PDE4A: variants seen among roughly 807,000 people sequenced by gnomAD.
PDE4A encodes 3',5'-cyclic-AMP phosphodiesterase 4A.
PDE4A carries 21 observed loss-of-function variants against 73.9 expected under a neutral mutation model. The ratio of observed to expected loss-of-function variants is 0.28; its 90% CI spans 0.20 to 0.41. The LOEUF is 0.41. Ranked by LOEUF, PDE4A falls within the 10% of genes least tolerant of loss-of-function variation. PDE4A has a pLI of 1.00. For synonymous variants in PDE4A, 463 were observed against 505.4 expected, an observed-to-expected ratio of 0.92 and a Z score of 1.13; for missense variants, 958 against 1,211.4, an observed-to-expected ratio of 0.79 and a Z score of 3.10.
intron 6 of PDE4A, among the ~76,000 whole-genome samples, chr19:10,454,193 C>T (rs971202698): frequency 4.6e-5 from 7 of 152,230 alleles, no homozygotes; most frequent in Admixed American, 6.5e-5. Flanking sequence ...GAACCCCCCT[C>T]CCCCTCCCCT....
Position 10,420,621 on chromosome 19 carries a change from C to A in PDE4A, c.-144C>A. The A allele has an allele frequency of 7.6e-7, 1 of 1,323,166 alleles. No individual in the cohort carries two copies. Among genetic ancestry groups the A allele is most frequent in the Non-Finnish European group, 9.6e-7 (1 of 1,042,286 alleles). 82.0% of individuals were successfully genotyped at this position (1,323,166 alleles called of 1,614,324 possible). ...CCCGGGGGCGATTGGCCCGCAGCGC[C>A]CCCGGGTCTGTCCCCGGGGCGCCAT... On this transcript the variant is annotated 5_prime_UTR_variant, in exon 1 of 15. Coordinates refer to ENST00000380702, the MANE Select transcript of PDE4A (RefSeq NM_001111307.2). This position sits in a 1 kb window ranked among gnomAD's most constrained non-coding sequence, Gnocchi z 6.0.
chr19:10,425,227 A>AAAAAAAC (rs1466856910), intron 1 of PDE4A, among the ~76,000 whole-genome samples: 2 of 151,592 alleles, frequency 1.3e-5, no homozygotes, highest in Non-Finnish European at 2.9e-5. Context: ...TGTCTCAAAA[A>AAAAAAAC]AAAAAACAAA....
chr19:10,420,142 A>G (rs1046298326), upstream of PDE4A: 1 of 152,424 alleles, frequency 6.6e-6, no homozygotes, highest in African/African-American at 2.4e-5. The surrounding 1 kb of genome is among the most constrained non-coding windows in gnomAD (Gnocchi z 6.0). Context: ...CACTCCTCAA[A>G]AACTGCCCCC....
rs562526407 is a variant in PDE4A at position 10,453,357 on chromosome 19, C to T, written c.784-1472C>T. On this transcript the variant is annotated intron_variant, in intron 6 of 14. Transcript: ENST00000380702. The surrounding 1 kb of genome is among the most constrained non-coding windows in gnomAD (Gnocchi z 4.6). ...AGGAGAGTGCAGGGTAGGGGGTGGG[C>T]GGGCATCCTGGTGAGCTGGGCCCCC... 2.6e-5 allele frequency: 35 copies of T among 1,334,954 alleles called. No individual in the cohort carries two copies. Among genetic ancestry groups the T allele is most frequent in the East Asian group, 1.9e-4 (8 of 43,082 alleles). 82.7% of individuals were successfully genotyped at this position (1,334,954 alleles called of 1,614,324 possible).
chr19:10,452,975 G>A, intron 6 of PDE4A: 1 of 1,244,598 alleles, frequency 8.0e-7, no homozygotes, highest in African/African-American at 1.6e-5. Context: ...CTCCTCCTGG[G>A]ACCCTTGCCC....
chr19:10,453,179 A>ACCCCCC lies in PDE4A; in HGVS notation c.784-1645_784-1644insCCCCCC. ...CCCTTCCACTACCCACCTGCCCGGC[A>ACCCCCC]CCCCCTCCCCAGTGGTTGTTAACCC... On this transcript the variant is annotated intron_variant, in intron 6 of 14. Transcript: ENST00000380702. This position sits in a 1 kb window ranked among gnomAD's most constrained non-coding sequence, Gnocchi z 4.6. 1 of 1,475,716 alleles carries ACCCCCC rather than the reference A, an allele frequency of 6.8e-7. No individual in the cohort carries two copies. The highest frequency in any genetic ancestry group is 9.0e-7 in the Non-Finnish European group (1 of 1,109,316). The allele number at this position is 1,475,716 out of a possible 1,614,324, so 91.4% of individuals were successfully genotyped here.
rs2043436215 is a variant in PDE4A, at chr19:10,469,220, G to A, written c.*1599G>A. The A allele has an allele frequency of 6.6e-6, 1 of 151,806 alleles. No homozygotes were observed. The highest frequency in any genetic ancestry group is 1.5e-5 in the Non-Finnish European group (1 of 67,946). 9.4% of individuals were successfully genotyped at this position (151,806 alleles called of 1,614,324 possible). ...TTTGTACATACTGTAAGGTTGGTTT[G>A]TAAATTATTCTACGGAGGCAAAAAG... On this transcript the variant is annotated 3_prime_UTR_variant, in exon 15 of 15. Coordinates refer to ENST00000380702, the MANE Select transcript of PDE4A (RefSeq NM_001111307.2).
chr19:10,422,996 C>A (rs2042669993), intron 1 of PDE4A: 4 of 467,826 alleles, frequency 8.6e-6, no homozygotes, highest in Non-Finnish European at 1.1e-5. Context: ...TGGTAATAAT[C>A]ATCATTATTT....
chr19:10,462,083 C>T (rs1196203133), intron 13 of PDE4A, 84 bp downstream of exon 13: 1 of 1,107,912 alleles, frequency 9.0e-7, no homozygotes, highest in Non-Finnish European at 1.3e-6. Flanking sequence ...GCCCCTTCCT[C>T]AGCCTCTTTC....
chr19:10,430,627 G>A (rs925795260), intron 1 of PDE4A, among the ~76,000 whole-genome samples: 1 of 151,978 alleles, frequency 6.6e-6, no homozygotes, highest in Non-Finnish European at 1.5e-5. Flanking sequence ...GCCAACGCGG[G>A]CGGCTTTGGG....
rs779729421 is a variant in PDE4A at position 10,459,506 on chromosome 19, G to A, written c.1200+8G>A. 1.2e-6 allele frequency: 2 copies of A among 1,612,968 alleles called. No individual in the cohort carries two copies. Among genetic ancestry groups the A allele is most frequent in the Non-Finnish European group, 8.5e-7 (1 of 1,179,000 alleles). ...ATGTACATGATATTCCAGGTGATGGGGACAGCTGGGAGTGGGCCCGGGTGA... is the reference window on the plus strand; with the variant it reads ...ATGTACATGATATTCCAGGTGATGGAGACAGCTGGGAGTGGGCCCGGGTGA... On this transcript the variant is annotated splice_region_variant and intron_variant, in intron 9 of 14. Transcript: ENST00000380702.
At chr19:10,447,194 C>G (rs2043019137) in intron 2 of PDE4A, among the ~76,000 whole-genome samples, 1 of 147,546 alleles carries the variant, frequency 6.8e-6, no homozygotes, top group African/African-American at 2.5e-5. Flanking sequence ...GCCACCGCGC[C>G]TGGCCTCAGT....
At chr19:10,444,670 ATTTT>A (rs552364395) in intron 1 of PDE4A, among the ~76,000 whole-genome samples, 1 of 135,418 alleles carries the variant, frequency 7.4e-6, no homozygotes, top group African/African-American at 2.7e-5. Context: ...TGTGTCTGAG[ATTTT>A]TTTTTTTTTT....
intron 1 of PDE4A, chr19:10,432,290 C>T (rs974806695): frequency 1.0e-5 from 12 of 1,147,744 alleles, no homozygotes; most frequent in African/African-American, 9.8e-5. Flanking sequence ...CTCGACCGCC[C>T]GGGGCTGTCC....
chr19:10,455,465 C>CAAA (rs35368894), intron 7 of PDE4A, among the ~76,000 whole-genome samples: 30 of 117,194 alleles, frequency 2.6e-4, no homozygotes, highest in Non-Finnish European at 4.5e-4. Flanking sequence ...ACTCTTGTCT[C>CAAA]AAAAAAAAAA....
At chr19:10,451,201 GC>G (rs2043086051) in intron 6 of PDE4A, among the ~76,000 whole-genome samples, 2 of 151,982 alleles carry the variant, frequency 1.3e-5, no homozygotes, top group Non-Finnish European at 2.9e-5. Context: ...ATTGGGCGTG[GC>G]TCATGAGGGT....
intron 1 of PDE4A, among the ~76,000 whole-genome samples, chr19:10,445,035 G>C (rs960160324): frequency 2.6e-5 from 4 of 152,126 alleles, no homozygotes; most frequent in Non-Finnish European, 2.9e-5. Context: ...AATGAGTGAG[G>C]GGGGAAGGGA....
chr19:10,467,156 G>C lies in PDE4A; in HGVS notation c.2196G>C (p.Glu732Asp). The C allele has an allele frequency of 6.2e-7, 1 of 1,614,198 alleles. No homozygotes were observed. The highest frequency in any genetic ancestry group is 8.5e-7 in the Non-Finnish European group (1 of 1,180,032). The change falls in exon 15 of 15, where the codon GAG becomes GAC. Residue 732 changes from glutamate (E) to aspartate (D), a missense_variant. This residue lies in a region of PDE4A where 243 missense variants were observed against 245.9 expected (regional missense o/e 0.99). Coordinates refer to ENST00000380702, the MANE Select transcript of PDE4A (RefSeq NM_001111307.2). ...CCCAGATACCGTGCACAGCCCAAGAGGCATTGACTGCGCAGGGATTGTCAG... is the reference window on the plus strand; with the variant it reads ...CCCAGATACCGTGCACAGCCCAAGACGCATTGACTGCGCAGGGATTGTCAG... ...SMAQIPCTAQ[E>D]ALTAQGLSGV...
intron 2 of PDE4A, 131 bp from the exon 3 acceptor site, chr19:10,448,786 G>C: frequency 6.6e-7 from 1 of 1,511,388 alleles, no homozygotes; most frequent in Non-Finnish European, 8.9e-7. Context: ...TGCAGTACAA[G>C]TGTTCTTTCC....
Sources: gnomAD v4.1 joint callset for allele counts (sites outside exome capture counted in the v4.1 genomes callset) on GRCh38, gnomAD v4.1.1 for gene constraint, gnomAD v4.1.1 regional missense constraint, Gnocchi (gnomAD v3.1) non-coding constraint, MANE v1.5 for transcripts, NCBI Gene and HGNC (gene_info 2026-07-23, HGNC 2026-07-21) for gene names.